The following PCDHGB2 variants were observed in gnomAD, a reference collection of about 807,000 sequenced individuals.
PCDHGB2 encodes the protein protocadherin gamma subfamily B, 2.
PCDHGB2 carries 55 observed loss-of-function variants against 59.3 expected under a neutral mutation model. The observed-to-expected ratio is 0.93, with a 90% CI of 0.75 to 1.16. PCDHGB2 has a LOEUF of 1.16. PCDHGB2 is among the 50% of genes most tolerant of loss of function. The probability of loss-of-function intolerance (pLI) is 0.00; values close to 1 mark genes in which losing one functional copy is unlikely to be tolerated. For missense variants in PCDHGB2, 1,228 were observed against 1,198.5 expected (o/e 1.02, Z -0.36); for synonymous variants, 516 against 512.0 (o/e 1.01, Z -0.11).
chr5:141,389,481 C>T (rs372276550), intron 1 of PCDHGB2: 5 of 1,612,962 alleles, frequency 3.1e-6, no homozygotes, highest in African/African-American at 1.3e-5. Context: ...ACTGCAGGCC[C>T]GCGACCAGGG....
At chr5:141,469,415 A>C (rs2099200751) in intron 1 of PCDHGB2, among the ~76,000 whole-genome samples, 1 of 152,116 alleles carries the variant, frequency 6.6e-6, no homozygotes, top group Admixed American at 6.5e-5. Flanking sequence ...TTTCTACTAA[A>C]AATATAAAAC....
chr5:141,481,730 G>A (rs778885944), intron 1 of PCDHGB2, among the ~76,000 whole-genome samples: 1 of 151,952 alleles, frequency 6.6e-6, no homozygotes, highest in African/African-American at 2.4e-5. Context: ...GAGGCGGGCG[G>A]ATCACGAGGT....
intron 1 of PCDHGB2, chr5:141,413,978 T>C (rs2095697435): frequency 1.2e-6 from 2 of 1,613,414 alleles, no homozygotes; most frequent in Non-Finnish European, 8.5e-7. Flanking sequence ...CTGCTGACAG[T>C]CACAGCCACC....
At chr5:141,362,729 T>G in intron 1 of PCDHGB2, 173 bp downstream of exon 1, 1 of 807,602 alleles carries the variant, frequency 1.2e-6, no homozygotes, top group Non-Finnish European at 1.9e-6. Context: ...AAGTGTGAGA[T>G]TTATTTACCC....
intron 1 of PCDHGB2, chr5:141,393,869 G>A: frequency 1.2e-6 from 2 of 1,613,982 alleles, no homozygotes; most frequent in Non-Finnish European, 1.7e-6. Context: ...TTACGTCTTT[G>A]TTTAGCCCAG....
intron 1 of PCDHGB2, chr5:141,395,109 A>C (rs1181706209): frequency 6.2e-7 from 1 of 1,614,210 alleles, no homozygotes; most frequent in Non-Finnish European, 8.5e-7. Flanking sequence ...CTCGCGGAAG[A>C]GTCACCTGAT....
intron 1 of PCDHGB2, among the ~76,000 whole-genome samples, chr5:141,494,030 A>G (rs1165393646): frequency 6.6e-6 from 1 of 151,978 alleles, no homozygotes; most frequent in Non-Finnish European, 1.5e-5. Context: ...AGCCCTGGAG[A>G]CTTAGTTGGC....
intron 1 of PCDHGB2, chr5:141,427,871 GA>G: frequency 6.4e-7 from 1 of 1,559,532 alleles, no homozygotes; most frequent in Non-Finnish European, 8.8e-7. Context: ...TCGAGCTCAC[GA>G]TGCAGGCCCA....
intron 1 of PCDHGB2, among the ~76,000 whole-genome samples, chr5:141,483,201 C>A (rs2099578254): frequency 6.6e-6 from 1 of 152,108 alleles, no homozygotes; most frequent in Non-Finnish European, 1.5e-5. Context: ...TTATTTTATT[C>A]CATATAGATG....
chr5:141,372,572 C>T (rs1199574805), intron 1 of PCDHGB2: 4 of 1,614,056 alleles, frequency 2.5e-6, no homozygotes, highest in East Asian at 4.5e-5. Flanking sequence ...CTGAGGGCTA[C>T]TTTCAGCCTG....
Position 141,511,132 on chromosome 5 carries a change from A to G in PCDHGB2, c.2755A>G (p.Asn919Asp). The change falls in exon 4 of 4, where the codon AAT (asparagine) becomes GAT (aspartate). Residue 919 changes from asparagine to aspartate, a missense_variant. Around this residue, in one of 3 missense-constraint regions of PCDHGB2, gnomAD observed 433 missense variants for 441.8 expected, o/e 0.98. Coordinates refer to ENST00000522605, the MANE Select transcript of PCDHGB2 (RefSeq NM_018923.3). ...GGATGGCAAGGCCCCAGCAGGTGGC[A>G]ATGGCAACAAGAAGAAGTCGGGCAA... ...KRDGKAPAGG[N>D]GNKKKSGKKE... is the part of the protein sequence containing the mutation. The G allele has an allele frequency of 6.2e-7, 1 of 1,614,218 alleles. No individual in the cohort carries two copies. Among genetic ancestry groups the G allele is most frequent in the Non-Finnish European group, 8.5e-7 (1 of 1,180,018 alleles).
At chr5:141,399,806 A>G in intron 1 of PCDHGB2, 1 of 1,613,106 alleles carries the variant, frequency 6.2e-7, no homozygotes, top group Non-Finnish European at 8.5e-7. Context: ...CGGGTGCTGT[A>G]CCCCGCGCTG....
chr5:141,441,230 ATTTAAATCACAAGATC>A (rs1009424536), intron 1 of PCDHGB2: 1 of 152,196 alleles, frequency 6.6e-6, no homozygotes, highest in African/African-American at 2.4e-5. Context: ...ACTGTCCAGG[ATTTAAATCACAAGATC>A]TTTAAATCAC....
At chr5:141,420,275 G>T in intron 1 of PCDHGB2, 1 of 1,524,576 alleles carries the variant, frequency 6.6e-7, no homozygotes, top group Non-Finnish European at 8.9e-7. Flanking sequence ...TCTTAAACAG[G>T]TAAGTATTTA....
intron 1 of PCDHGB2, chr5:141,374,236 T>G: frequency 6.2e-7 from 1 of 1,613,974 alleles, no homozygotes; most frequent in African/African-American, 1.3e-5. Flanking sequence ...TCGTCAAGGA[T>G]CTGGGACTGG....
In PCDHGB2 at chr5:141,490,601, T is replaced by C. The variant is rs777393370; in HGVS notation, c.2422-4206T>C. 1 of 1,614,176 alleles carries C rather than the reference T, an allele frequency of 6.2e-7. No homozygotes were observed. The highest frequency in any genetic ancestry group is 8.5e-7 in the Non-Finnish European group (1 of 1,180,030). ...GATGTCAATGACAATGCACCCCGCTTCAACCAGCAGCTTTACACTGCTTAC... is the reference window on the plus strand; with the variant it reads ...GATGTCAATGACAATGCACCCCGCTCCAACCAGCAGCTTTACACTGCTTAC... On this transcript the variant is annotated intron_variant, in intron 1 of 3. Transcript: ENST00000522605. This position sits in a 1 kb window ranked among gnomAD's most constrained non-coding sequence, Gnocchi z 5.4.
At chr5:141,388,628 G>C (rs752578230) in intron 1 of PCDHGB2, 1 of 1,613,780 alleles carries the variant, frequency 6.2e-7, no homozygotes, top group African/African-American at 1.3e-5. Context: ...ACGTATACAG[G>C]GTGAGCCTTT....
Position 141,511,429 on chromosome 5 carries a change from G to A in PCDHGB2, c.*256G>A, listed in dbSNP as rs1414641314. 1.3e-6 allele frequency: 1 copy of A among 769,620 alleles called. No individual in the cohort carries two copies. The highest frequency in any genetic ancestry group is 2.0e-6 in the Non-Finnish European group (1 of 505,154). The allele number at this position is 769,620 out of a possible 1,614,324, so 47.7% of individuals were successfully genotyped here. On this transcript the variant is annotated 3_prime_UTR_variant, in exon 4 of 4. Transcript: ENST00000522605. The stretch of plus-strand genomic sequence containing the variant: ...CTGCTGTACCCATGGGGGTAGTGGG[G>A]TTACTGTAGACACCAAGAACCATTT...
chr5:141,402,879 C>T, intron 1 of PCDHGB2: 1 of 1,471,232 alleles, frequency 6.8e-7, no homozygotes, highest in Non-Finnish European at 9.0e-7. Flanking sequence ...CCATACTTTG[C>T]AGGGTGGAAG....
Sources: gnomAD v4.1 joint callset for allele counts (sites outside exome capture counted in the v4.1 genomes callset) on GRCh38, gnomAD v4.1.1 for gene constraint, gnomAD v4.1.1 regional missense constraint, Gnocchi (gnomAD v3.1) non-coding constraint, MANE v1.5 for transcripts, NCBI Gene and HGNC (gene_info 2026-07-23, HGNC 2026-07-21) for gene names.